Variants in CRTC3 observed in about 807,000 individuals in gnomAD.
CRTC3 encodes CREB regulated transcription coactivator 3, also known as CREB-regulated transcription coactivator 3.
In CRTC3, 26 loss-of-function variants were observed where a neutral mutation model predicts 74.5. The ratio of observed to expected loss-of-function variants is 0.35; its 90% CI spans 0.26 to 0.48. The LOEUF (loss-of-function observed/expected upper bound fraction) is 0.48. Ranked by LOEUF, CRTC3 falls within the 20% of genes least tolerant of loss-of-function variation. CRTC3 has a pLI of 0.99. For synonymous variants in CRTC3, 377 were observed against 325.8 expected (o/e 1.16, Z -1.69); for missense variants, 760 against 787.3 (o/e 0.97, Z 0.41).
intron 7 of CRTC3, among the ~76,000 whole-genome samples, chr15:90,614,889 C>A (rs1308838801): frequency 6.6e-6 from 1 of 151,954 alleles, no homozygotes; most frequent in Non-Finnish European, 1.5e-5. Flanking sequence ...CATGGTGAAA[C>A]CCCGTCTCTA....
Position 90,644,252 on chromosome 15 carries a change from A to G in CRTC3, c.*2112A>G, listed in dbSNP as rs1249588532. The G allele has an allele frequency of 4.4e-6, 1 of 229,304 alleles. No individual in the cohort carries two copies. The highest frequency in any genetic ancestry group is 8.6e-6 in the Non-Finnish European group (1 of 115,648). The allele number at this position is 229,304 out of a possible 1,614,324, so 14.2% of individuals were successfully genotyped here. The stretch of plus-strand genomic sequence containing the variant: ...TTTTGTTAAAGAGCCTTCAGTCGCA[A>G]TGCTACCCAGCACCCCATGTGCCAA... On this transcript the variant is annotated 3_prime_UTR_variant, in exon 15 of 15. Transcript: ENST00000268184.
chr15:90,617,771 T>TC, intron 7 of CRTC3, 112 bp from the exon 8 acceptor site: 1 of 679,938 alleles, frequency 1.5e-6, no homozygotes, highest in South Asian at 1.6e-5. Context: ...GCTCAAGCGA[T>TC]CCTCCTGCCT....
chr15:90,614,121 G>T (rs1334998623), intron 6 of CRTC3: 2 of 229,598 alleles, frequency 8.7e-6, no homozygotes, highest in Non-Finnish European at 1.7e-5. Context: ...ATTTGGAAGA[G>T]AATTTCCATC....
At chr15:90,559,160 C>A (rs1386294249) in intron 2 of CRTC3, among the ~76,000 whole-genome samples, 1 of 152,120 alleles carries the variant, frequency 6.6e-6, no homozygotes, top group Admixed American at 6.5e-5. Flanking sequence ...TAGAGCAGTA[C>A]CTGGCCAGGG....
chr15:90,576,088 T>C lies in CRTC3; in HGVS notation c.232-17548T>C, dbSNP rs1457274792. On this transcript the variant is annotated intron_variant, in intron 2 of 14. Transcript: ENST00000268184. ...TGGATAGATGAGGAGTTGAGGATAG[T>C]ATTGGGTTCAAGAGGTGTTTAGAAA... Among the ~76,000 whole-genome samples the C allele has an allele frequency of 3.9e-5, 6 of 152,044 alleles. No individual in the cohort carries two copies. In the East Asian group the frequency reaches 1.2e-3, roughly 29 times the overall value.
intron 2 of CRTC3, among the ~76,000 whole-genome samples, chr15:90,575,785 T>C (rs1385985285): frequency 1.3e-5 from 2 of 152,234 alleles, no homozygotes; most frequent in East Asian, 3.8e-4. Flanking sequence ...CGGTGATTTT[T>C]CTAGGCTATT....
At chr15:90,555,831 T>C (rs928606594) in intron 2 of CRTC3, among the ~76,000 whole-genome samples, 2 of 152,200 alleles carry the variant, frequency 1.3e-5, no homozygotes, top group Admixed American at 6.5e-5. Context: ...TTTTCTTTTT[T>C]AGCTTCCATT....
intron 1 of CRTC3, among the ~76,000 whole-genome samples, chr15:90,533,420 A>AGG (rs11402562): frequency 2.6e-5 from 3 of 117,330 alleles, no homozygotes; most frequent in Non-Finnish European, 5.2e-5. Flanking sequence ...GACTCCGCCT[A>AGG]GGAAAAAAAA....
rs370673680 is a variant in CRTC3, at chr15:90,643,940, G to A, written c.*1800G>A. On this transcript the variant is annotated 3_prime_UTR_variant, in exon 15 of 15. Coordinates refer to ENST00000268184, the MANE Select transcript of CRTC3 (RefSeq NM_022769.5). The stretch of plus-strand genomic sequence containing the variant: ...ACCTGTCCCTTATGTAAAAGGAGTC[G>A]TGGTCACAAGACCCTGGGCTGGTTA... 1.7e-5 allele frequency: 4 copies of A among 232,546 alleles called. No homozygotes were observed. The highest frequency in any genetic ancestry group is 1.8e-4 in the South Asian group (1 of 5,532). The allele number at this position is 232,546 out of a possible 1,614,324, so 14.4% of individuals were successfully genotyped here.
At chr15:90,630,251 T>TA (rs1317838431) in intron 11 of CRTC3, among the ~76,000 whole-genome samples, 1 of 152,154 alleles carries the variant, frequency 6.6e-6, no homozygotes, top group Non-Finnish European at 1.5e-5. Context: ...CATTAAGCCA[T>TA]AGGGGAAAGC....
chr15:90,559,269 A>T (rs1966962615), intron 2 of CRTC3, among the ~76,000 whole-genome samples: 1 of 152,186 alleles, frequency 6.6e-6, no homozygotes, highest in South Asian at 2.1e-4. Flanking sequence ...GAATTCTTAC[A>T]GTAACCTTAT....
At chr15:90,551,936 ACACACACG>A (rs147127761) in intron 2 of CRTC3, among the ~76,000 whole-genome samples, 7,090 of 21,000 alleles carry the variant, frequency 0.34, 591 homozygotes, top group African/African-American at 0.47. Flanking sequence ...ACACGCACAC[ACACACACG>A]CACACACACA....
chr15:90,538,404 G>T (rs1966752994), intron 1 of CRTC3, among the ~76,000 whole-genome samples: 1 of 152,108 alleles, frequency 6.6e-6, no homozygotes. Flanking sequence ...CTGTCTCCCT[G>T]TGCAGTACAT....
At chr15:90,598,725 A>C in intron 3 of CRTC3, 1 of 583,988 alleles carries the variant, frequency 1.7e-6, no homozygotes, top group South Asian at 2.0e-5. Context: ...GGCAGTTGGA[A>C]GTATGCACTT....
At chr15:90,639,024 C>G (rs1031778689) in intron 13 of CRTC3, among the ~76,000 whole-genome samples, 3 of 152,188 alleles carry the variant, frequency 2.0e-5, no homozygotes, top group Non-Finnish European at 2.9e-5. Context: ...AGCAGAGGAA[C>G]TATTGGAACA....
At position 90,604,575 on chromosome 15, in the gene CRTC3, A is replaced by T; in HGVS notation, c.476+128A>T. The T allele has an allele frequency of 4.1e-6, 3 of 725,280 alleles. No individual in the cohort carries two copies. The South Asian group carries it at 5.0e-5, about 12-fold the overall frequency. 44.9% of individuals were successfully genotyped at this position (725,280 alleles called of 1,614,324 possible). ...TGTTGATATGACATGTTCAAAACAA[A>T]ACCCACCATTTTTTGAGTGTCTACA... is the stretch of plus-strand genomic sequence containing the variant. On this transcript the variant is annotated intron_variant, in intron 5 of 14. Coordinates refer to ENST00000268184, the MANE Select transcript of CRTC3 (RefSeq NM_022769.5).
rs74251761 is a variant in CRTC3, at chr15:90,549,549, G to T, written c.231+9412G>T. On this transcript the variant is annotated intron_variant, in intron 2 of 14. Coordinates refer to ENST00000268184, the MANE Select transcript of CRTC3 (RefSeq NM_022769.5). Reference sequence around the variant, plus strand: ...CTAGCACTTTAGGAGGCCGAGGCGGGCAGATTGCTTGAGCCCAGGAGTTGG... The same window carrying T: ...CTAGCACTTTAGGAGGCCGAGGCGGTCAGATTGCTTGAGCCCAGGAGTTGG... Among the ~76,000 whole-genome samples the T allele has an allele frequency of 3.6e-4, 55 of 152,232 alleles. No individual in the cohort carries two copies. In the East Asian group the frequency reaches 8.5e-3, roughly 23 times the overall value.
rs1659596993 is a variant in CRTC3 at position 90,643,267 on chromosome 15, T to TC, written c.*1131dup. Reference sequence around the variant, plus strand: ...CGTAAGGCAGGCTCACCTGTAGCTATCCCCTTCCCTGCCAGATCTTCTCAG... The same window carrying TC: ...CGTAAGGCAGGCTCACCTGTAGCTATCCCCCTTCCCTGCCAGATCTTCTCAG... On this transcript the variant is annotated 3_prime_UTR_variant, in exon 15 of 15. Transcript: ENST00000268184. The TC allele has an allele frequency of 1.3e-5, 3 of 232,200 alleles. No homozygotes were observed. The highest frequency in any genetic ancestry group is 1.1e-4 in the Admixed American group (2 of 17,728). 14.4% of individuals were successfully genotyped at this position (232,200 alleles called of 1,614,324 possible). A position where few individuals can be genotyped will look rare whatever the true frequency, so the allele number is the denominator to read the frequency against.
At chr15:90,554,138 T>C (rs559382320) in intron 2 of CRTC3, among the ~76,000 whole-genome samples, 1 of 152,114 alleles carries the variant, frequency 6.6e-6, no homozygotes, top group East Asian at 1.9e-4. Context: ...GAAGAATAAA[T>C]GAGTTGTTAT....
Sources: gnomAD v4.1 joint callset for allele counts (sites outside exome capture counted in the v4.1 genomes callset) on GRCh38, gnomAD v4.1.1 for gene constraint, MANE v1.5 for transcripts, NCBI Gene and HGNC (gene_info 2026-07-23, HGNC 2026-07-21) for gene names.